Variants in KIF26B observed in about 807,000 individuals in gnomAD.
KIF26B encodes kinesin family member 26B.
A neutral mutation model predicts 151.2 loss-of-function variants in KIF26B; 63 were observed. The ratio of observed to expected loss-of-function variants is 0.42; its 90% CI spans 0.34 to 0.51. The LOEUF (loss-of-function observed/expected upper bound fraction) is 0.51, where lower values mean the gene tolerates loss of function less well. KIF26B is among the 20% of genes least tolerant of loss of function. KIF26B has a pLI of 0.07. For missense variants in KIF26B, 2,813 were observed against 2,913.6 expected (o/e 0.97, Z 0.79); for synonymous variants, 1,357 against 1,262.1 (o/e 1.08, Z -1.59).
chr1:245,356,899 C>A (rs60482289), intron 2 of KIF26B, among the ~76,000 whole-genome samples: 3,264 of 152,194 alleles, frequency 0.021, 122 homozygotes, highest in African/African-American at 0.074. Flanking sequence ...AGGAAGGCCT[C>A]GTTGAAAAGG....
At chr1:245,272,273 A>G (rs1573745540) in intron 2 of KIF26B, among the ~76,000 whole-genome samples, 1 of 151,960 alleles carries the variant, frequency 6.6e-6, no homozygotes, top group East Asian at 1.9e-4. Flanking sequence ...AGAGTTTGTC[A>G]ATTTTTGCCA....
chr1:245,341,871 G>A (rs765959181), intron 2 of KIF26B, among the ~76,000 whole-genome samples: 6 of 152,148 alleles, frequency 3.9e-5, no homozygotes, highest in African/African-American at 9.7e-5. Context: ...AAGCTCCTGC[G>A]TCTCCTGTCA....
intron 2 of KIF26B, among the ~76,000 whole-genome samples, chr1:245,212,604 A>G (rs1187935616): frequency 6.6e-6 from 1 of 152,234 alleles, no homozygotes; most frequent in African/African-American, 2.4e-5. Flanking sequence ...CGAGAGCAGC[A>G]GCTCAGTCAG....
chr1:245,306,345 C>T (rs775524910), intron 2 of KIF26B, among the ~76,000 whole-genome samples: 2 of 152,134 alleles, frequency 1.3e-5, no homozygotes, highest in African/African-American at 4.8e-5. Flanking sequence ...TCTGTAGATA[C>T]AGTATGTAGA....
rs1365986776 is a variant in KIF26B, at chr1:245,606,364, C to T, written c.1558-1287C>T. ...GTGCCCACCGGGAGGCACGCTGCCC[C>T]GAGGGCTGCAAAGCCCCATGTTAGC... On this transcript the variant is annotated intron_variant, in intron 6 of 14. Transcript: ENST00000407071. The surrounding 1 kb of genome is among the most constrained non-coding windows in gnomAD (Gnocchi z 4.6). 6.6e-6 allele frequency among the ~76,000 whole-genome samples: 1 copy of T among 151,764 alleles called. No homozygotes were observed. Among genetic ancestry groups the T allele is most frequent in the Non-Finnish European group, 1.5e-5 (1 of 67,978 alleles).
At chr1:245,189,794 G>C (rs1239488137) in intron 2 of KIF26B, among the ~76,000 whole-genome samples, 1 of 152,224 alleles carries the variant, frequency 6.6e-6, no homozygotes, top group Non-Finnish European at 1.5e-5. Context: ...ACATGAGACT[G>C]GGTAATTTAT....
At chr1:245,521,269 G>A (rs1000020248) in intron 4 of KIF26B, among the ~76,000 whole-genome samples, 5 of 151,638 alleles carry the variant, frequency 3.3e-5, no homozygotes, top group South Asian at 2.1e-4. Context: ...CCCGGGAGGC[G>A]GAGCTTGCAG....
intron 4 of KIF26B, among the ~76,000 whole-genome samples, chr1:245,459,520 C>G (rs968852471): frequency 2.6e-5 from 4 of 152,176 alleles, no homozygotes; most frequent in Non-Finnish European, 5.9e-5. Context: ...TCAACACAGT[C>G]AAATCCTTTA....
At chr1:245,645,182 C>T (rs528700560) in intron 9 of KIF26B, among the ~76,000 whole-genome samples, 4 of 152,112 alleles carry the variant, frequency 2.6e-5, no homozygotes, top group Non-Finnish European at 2.9e-5. Flanking sequence ...GAAGATCACA[C>T]TTCAACACGA....
intron 4 of KIF26B, among the ~76,000 whole-genome samples, chr1:245,487,300 AC>A (rs1376153338): frequency 1.3e-5 from 2 of 152,202 alleles, no homozygotes; most frequent in African/African-American, 4.8e-5. Context: ...CATCTCCAGG[AC>A]CAACTATATC....
In KIF26B at chr1:245,227,959, G is replaced by A. The variant is rs532166769; in HGVS notation, c.465+71276G>A. Among the ~76,000 whole-genome samples, 550 of 152,138 alleles carry A rather than the reference G, an allele frequency of 3.6e-3. 2 individuals carry two copies. Among genetic ancestry groups the A allele is most frequent in the African/African-American group, 0.013 (524 of 41,510 alleles). ...GGAGGTTGCAGTGAGCTCAGGTTGC[G>A]CCTCTGCACTCCAGCCTGGGCAACA... is the stretch of plus-strand genomic sequence containing the variant. On this transcript the variant is annotated intron_variant, in intron 2 of 14. Coordinates refer to ENST00000407071, the MANE Select transcript of KIF26B (RefSeq NM_018012.4). This position sits in a 1 kb window ranked among gnomAD's most constrained non-coding sequence, Gnocchi z 4.1.
chr1:245,595,466 T>C (rs2043329235), intron 5 of KIF26B, among the ~76,000 whole-genome samples: 1 of 152,246 alleles, frequency 6.6e-6, no homozygotes, highest in African/African-American at 2.4e-5. Context: ...CTTACATTTA[T>C]TGATTTGCGT....
chr1:245,579,559 C>A (rs529455869), intron 5 of KIF26B, among the ~76,000 whole-genome samples: 1 of 152,166 alleles, frequency 6.6e-6, no homozygotes, highest in South Asian at 2.1e-4. Flanking sequence ...CCTGTAATCC[C>A]AGCACTTTGG....
chr1:245,390,921 C>CAA (rs796799193), intron 3 of KIF26B, among the ~76,000 whole-genome samples: 750 of 13,326 alleles, frequency 0.056, 93 homozygotes, highest in African/African-American at 0.1. Context: ...GACCCTGTCT[C>CAA]AAAAAAAAAA....
intron 6 of KIF26B, among the ~76,000 whole-genome samples, chr1:245,603,515 A>G (rs1419207390): frequency 1.3e-5 from 2 of 152,106 alleles, no homozygotes; most frequent in Non-Finnish European, 2.9e-5. Context: ...TCTTGGCTGG[A>G]TATCAGCCAG....
chr1:245,493,455 T>A (rs1660449062), intron 4 of KIF26B, among the ~76,000 whole-genome samples: 1 of 152,218 alleles, frequency 6.6e-6, no homozygotes. Context: ...AGAAAAATAA[T>A]TTCTAACTGC....
chr1:245,689,174 C>T (rs939491786), intron 12 of KIF26B, among the ~76,000 whole-genome samples: 6 of 152,222 alleles, frequency 3.9e-5, no homozygotes, highest in African/African-American at 7.2e-5. Context: ...CAGCATGACC[C>T]GCACCTGCTC....
intron 2 of KIF26B, among the ~76,000 whole-genome samples, chr1:245,365,516 C>CCCA: frequency 1.3e-5 from 2 of 151,052 alleles, no homozygotes; most frequent in Middle Eastern, 6.8e-3. Flanking sequence ...TCACAACTCC[C>CCCA]CCCCACCAGC....
At chr1:245,261,544 TCTCCCTCC>T (rs1670645879) in intron 2 of KIF26B, among the ~76,000 whole-genome samples, 1 of 126,472 alleles carries the variant, frequency 7.9e-6, no homozygotes, top group Non-Finnish European at 1.6e-5. Context: ...TCTCCCCCTC[TCTCCCTCC>T]CTCCGTCTGT....
Sources: gnomAD v4.1 joint callset for allele counts (sites outside exome capture counted in the v4.1 genomes callset) on GRCh38, gnomAD v4.1.1 for gene constraint, Gnocchi (gnomAD v3.1) non-coding constraint, MANE v1.5 for transcripts, NCBI Gene and HGNC (gene_info 2026-07-23, HGNC 2026-07-21) for gene names.